Variants in MYH13 observed in about 807,000 individuals in gnomAD.
MYH13 encodes the protein myosin-13.
A neutral mutation model predicts 232.1 loss-of-function variants in MYH13; 177 were observed. That is an observed-to-expected ratio of 0.76 (90% CI 0.67 to 0.86). The LOEUF is 0.86. Ranked by LOEUF, MYH13 falls within the 40% of genes least tolerant of loss-of-function variation. The pLI is 0.00. For synonymous variants in MYH13, 884 were observed against 923.5 expected (o/e 0.96, Z 0.78); for missense variants, 2,246 against 2,405.9 (o/e 0.93, Z 1.39).
At chr17:10,330,724 G>C (rs1214286558) in intron 20 of MYH13, among the ~76,000 whole-genome samples, 1 of 151,920 alleles carries the variant, frequency 6.6e-6, no homozygotes, top group Non-Finnish European at 1.5e-5. Flanking sequence ...GCCTGGTCCA[G>C]AGTCTGTTCC....
intron 13 of MYH13, among the ~76,000 whole-genome samples, chr17:10,346,173 T>C (rs182119168): frequency 2.0e-4 from 30 of 152,300 alleles, no homozygotes; most frequent in Non-Finnish European, 2.9e-4. Flanking sequence ...AACATGGTTA[T>C]AGCACATGAC....
At position 10,345,230 on chromosome 17, in the gene MYH13, A is replaced by G. The variant is rs755126897; in HGVS notation, c.1556T>C (p.Leu519Pro). 4.3e-6 allele frequency: 7 copies of G among 1,614,052 alleles called. No homozygotes were observed. Among genetic ancestry groups the G allele is most frequent in the Non-Finnish European group, 5.9e-6 (7 of 1,180,022 alleles). ...EWEFIDFGMD[L>P]AACIELIEKP... The stretch of plus-strand genomic sequence containing the variant: ...CTCGATGAGCTCGATGCAGGCAGCC[A>G]GGTCCATTCCGAAGTCAATGAACTC... Residue 519 changes from leucine (L) to proline (P), a missense_variant, in exon 15 of 41, where the codon CTG becomes CCG. Physicochemically the swap from Leu to Pro is moderately conservative, Grantham distance 98. Coordinates refer to ENST00000252172, the MANE Select transcript of MYH13 (RefSeq NM_003802.3).
intron 12 of MYH13, among the ~76,000 whole-genome samples, chr17:10,349,551 C>T (rs962186280): frequency 6.6e-6 from 1 of 152,090 alleles, no homozygotes; most frequent in Non-Finnish European, 1.5e-5. Context: ...GACTTGGAGT[C>T]CCCTCCACTG....
chr17:10,326,067 C>A (rs1410837355), intron 22 of MYH13, among the ~76,000 whole-genome samples: 1 of 152,202 alleles, frequency 6.6e-6, no homozygotes, highest in African/African-American at 2.4e-5. Flanking sequence ...CATCTATAAA[C>A]ATGAGCTGTG....
chr17:10,301,484 C>T, intron 40 of MYH13, 85 bp downstream of exon 40: 1 of 1,575,842 alleles, frequency 6.3e-7, no homozygotes, highest in South Asian at 1.2e-5. Context: ...TCTGGCCTCC[C>T]ACACTCAGGC....
chr17:10,336,814 C>T (rs1036633288), intron 18 of MYH13, among the ~76,000 whole-genome samples: 2 of 152,162 alleles, frequency 1.3e-5, no homozygotes, highest in East Asian at 3.9e-4. Context: ...GAATGACCCT[C>T]GAGGCTCTGG....
At chr17:10,363,303 G>T (rs1385425051) in intron 3 of MYH13, among the ~76,000 whole-genome samples, 1 of 107,212 alleles carries the variant, frequency 9.3e-6, no homozygotes, top group Non-Finnish European at 1.7e-5. Flanking sequence ...GCGACACAGT[G>T]AGACTCCGTC....
At chr17:10,364,253 C>G (rs1419041979) in intron 3 of MYH13, 74 bp downstream of exon 3, 42 of 1,435,682 alleles carry the variant, frequency 2.9e-5, no homozygotes. Context: ...GACCAGCATG[C>G]AATTTCTAAT....
chr17:10,367,347 T>C (rs549428824), intron 2 of MYH13, among the ~76,000 whole-genome samples: 1 of 152,288 alleles, frequency 6.6e-6, no homozygotes, highest in African/African-American at 2.4e-5. Flanking sequence ...AACATAAACA[T>C]TTTATTTTAT....
chr17:10,319,248 T>A (rs1390200435), intron 26 of MYH13, 69 bp from the exon 27 acceptor site: 4 of 1,508,840 alleles, frequency 2.7e-6, no homozygotes, highest in Middle Eastern at 1.7e-4. Context: ...AGGGGCTGGG[T>A]GTTGAGGAAT....
At chr17:10,358,794 T>C (rs902865880) in intron 7 of MYH13, among the ~76,000 whole-genome samples, 3 of 72,004 alleles carry the variant, frequency 4.2e-5, no homozygotes. Flanking sequence ...AACTATGAGG[T>C]CCCACCCTAG....
At chr17:10,343,217 T>A (rs1438638995) in intron 16 of MYH13, among the ~76,000 whole-genome samples, 1 of 151,836 alleles carries the variant, frequency 6.6e-6, no homozygotes, top group Non-Finnish European at 1.5e-5. Context: ...TTTTTTTTTT[T>A]AATAGAGTCT....
Position 10,306,433 on chromosome 17 carries a change from A to C in MYH13, c.5466+26T>G. The stretch of plus-strand genomic sequence containing the variant: ...TTCTGTCCGAGGCTGTCACTTTCAG[A>C]GTAACAGTCCTCTCAAAAACTCTAC... On this transcript the variant is annotated intron_variant, in intron 37 of 40. Transcript: ENST00000252172. The surrounding 1 kb of genome is among the most constrained non-coding windows in gnomAD (Gnocchi z 4.3). 3.7e-6 allele frequency: 6 copies of C among 1,613,946 alleles called. No individual in the cohort carries two copies. Among genetic ancestry groups the C allele is most frequent in the Non-Finnish European group, 5.1e-6 (6 of 1,179,910 alleles).
intron 2 of MYH13, among the ~76,000 whole-genome samples, chr17:10,365,931 T>G (rs2071832602): frequency 6.6e-6 from 1 of 151,760 alleles, no homozygotes; most frequent in African/African-American, 2.4e-5. Context: ...TCTCATCCCT[T>G]GTATCACTTT....
intron 20 of MYH13, among the ~76,000 whole-genome samples, chr17:10,331,744 G>C (rs1169779706): frequency 1.3e-5 from 2 of 152,092 alleles, no homozygotes; most frequent in Non-Finnish European, 2.9e-5. Context: ...CCGCTTGGTA[G>C]CTGATTTTAT....
At chr17:10,354,507 G>C (rs1027709737) in intron 11 of MYH13, among the ~76,000 whole-genome samples, 173 bp downstream of exon 11, 1 of 152,200 alleles carries the variant, frequency 6.6e-6, no homozygotes, top group African/African-American at 2.4e-5. Context: ...AGGTGGAGCT[G>C]AGTAGGGAGG....
intron 21 of MYH13, 70 bp from the exon 22 acceptor site, chr17:10,328,191 C>T (rs1907285867): frequency 7.1e-6 from 11 of 1,538,614 alleles, no homozygotes; most frequent in Non-Finnish European, 8.8e-6. Context: ...AACCTGTCCC[C>T]GACGGACCCC....
intron 19 of MYH13, among the ~76,000 whole-genome samples, chr17:10,332,871 G>A (rs191799454): frequency 7.0e-4 from 107 of 152,338 alleles, no homozygotes; most frequent in South Asian, 2.5e-3. Flanking sequence ...AATCAGGCTA[G>A]AGGGTCTGGG....
chr17:10,362,154 A>G lies in MYH13; in HGVS notation c.469T>C (p.Ser157Pro), dbSNP rs1432555412. 1.2e-6 allele frequency: 2 copies of G among 1,613,938 alleles called. No homozygotes were observed. Among genetic ancestry groups the G allele is most frequent in the Non-Finnish European group, 1.7e-6 (2 of 1,179,876 alleles). The change falls in exon 5 of 41, where the codon TCC becomes CCC. Residue 157 changes from serine to proline, a missense_variant. Transcript: ENST00000252172. ...AACTGATAGGCATTGTCAGAGATGG[A>G]GAAGATGTGGGGCGGGGCCTCCTGG... is the stretch of plus-strand genomic sequence containing the variant. ...KRQEAPPHIF[S>P]ISDNAYQFML... is the part of the protein sequence containing the mutation.
Sources: allele counts gnomAD v4.1 joint callset (sites outside exome capture counted in the v4.1 genomes callset), GRCh38; gene constraint gnomAD v4.1.1; non-coding constraint Gnocchi (gnomAD v3.1); transcripts MANE v1.5; gene names NCBI Gene and HGNC (gene_info 2026-07-23, HGNC 2026-07-21).